ZC3H4: variants seen among roughly 807,000 people sequenced by gnomAD.
ZC3H4 encodes zinc finger CCCH-type containing 4.
A neutral mutation model predicts 108.3 loss-of-function variants in ZC3H4; 13 were observed. The ratio of observed to expected loss-of-function variants is 0.12; its 90% CI spans 0.08 to 0.19. The LOEUF is 0.19. Among genes scored for constraint, ZC3H4 ranks in the 10% least tolerant of loss-of-function variants. The probability of loss-of-function intolerance (pLI) is 1.00; values close to 1 mark genes in which losing one functional copy is unlikely to be tolerated. For synonymous variants in ZC3H4, 917 were observed against 749.6 expected (o/e 1.22, Z -3.65); for missense variants, 1,734 against 1,838.8 (o/e 0.94, Z 1.04).
At chr19:47,078,973 G>A (rs1055632756) in intron 11 of ZC3H4, among the ~76,000 whole-genome samples, 28 of 151,510 alleles carry the variant, frequency 1.8e-4, no homozygotes, top group African/African-American at 6.0e-4. Flanking sequence ...GTTGCGGTGA[G>A]CAGAGATCGC....
At chr19:47,069,429 C>T (rs1390124995) in intron 13 of ZC3H4, 86 bp from the exon 14 acceptor site, 1 of 1,494,154 alleles carries the variant, frequency 6.7e-7, no homozygotes, top group Non-Finnish European at 9.0e-7. Flanking sequence ...TGCAAACCCA[C>T]ACCGATGGCG....
rs200843141 is a variant in ZC3H4 at position 47,066,768 on chromosome 19, G to A, written c.3500C>T (p.Thr1167Met). The A allele has an allele frequency of 4.4e-4, 706 of 1,602,948 alleles. 2 individuals are homozygous for A. Among genetic ancestry groups the A allele is most frequent in the African/African-American group, 4.0e-3 (302 of 75,006 alleles). ...CTCAGCACCCTTGGGCTGGGCACCC[G>A]TGTCAGCAGCCGGCTCTGTGGCTTT... ...GGKATEPAAD[T>M]GAQPKGAEGN... Residue 1167 changes from threonine (T) to methionine (M), a missense_variant, in exon 15 of 15, where the codon ACG (threonine) becomes ATG (methionine). Thr to Met is a moderately conservative substitution (Grantham distance 81). Around this residue, in one of 9 missense-constraint regions of ZC3H4, gnomAD observed 518 missense variants for 499.6 expected, o/e 1.04. Transcript: ENST00000253048.
intron 2 of ZC3H4, among the ~76,000 whole-genome samples, chr19:47,111,167 T>A (rs2123124272): frequency 6.6e-6 from 1 of 152,298 alleles, no homozygotes; most frequent in African/African-American, 2.4e-5. Context: ...TCCTGCCGGC[T>A]GAAACCCACC....
chr19:47,085,906 T>C (rs376109047), intron 6 of ZC3H4, among the ~76,000 whole-genome samples: 72 of 152,232 alleles, frequency 4.7e-4, no homozygotes, highest in Middle Eastern at 3.4e-3. Flanking sequence ...CTCTGTCGCC[T>C]AGGCTGGAGT....
intron 1 of ZC3H4, among the ~76,000 whole-genome samples, chr19:47,112,796 G>A (rs2123135871): frequency 6.6e-6 from 1 of 152,214 alleles, no homozygotes; most frequent in African/African-American, 2.4e-5. Context: ...GCCCACCCTT[G>A]CGGTCACTCG....
intron 11 of ZC3H4, among the ~76,000 whole-genome samples, chr19:47,073,651 T>G (rs1440634395): frequency 6.6e-6 from 1 of 152,180 alleles, no homozygotes; most frequent in African/African-American, 2.4e-5. Flanking sequence ...CACCTCTATA[T>G]AGTTCCAGCA....
At chr19:47,085,256 G>A in intron 7 of ZC3H4, 61 bp from the exon 8 acceptor site, 1 of 1,160,120 alleles carries the variant, frequency 8.6e-7, no homozygotes, top group Non-Finnish European at 1.2e-6. Context: ...CCCAGGACTA[G>A]ATTCCAGCAG....
Position 47,067,145 on chromosome 19 carries a change from G to A in ZC3H4, c.3123C>T (p.Pro1041=), listed in dbSNP as rs572877395. Reference sequence around the variant, plus strand: ...GGATGCGAGACAGAAGTTCAAAGTCGGGGAGGTTGGCGCCCTGTGTGCTGG... The same window carrying A: ...GGATGCGAGACAGAAGTTCAAAGTCAGGGAGGTTGGCGCCCTGTGTGCTGG... ...TDSSTQGANL[P]DFELLSRILK... Residue 1041 remains proline (P), a synonymous_variant, in exon 15 of 15, where the codon CCC becomes CCT. Transcript: ENST00000253048. This position sits in a 1 kb window ranked among gnomAD's most constrained non-coding sequence, Gnocchi z 6.4. 8.4e-5 allele frequency: 135 copies of A among 1,612,030 alleles called. No individual in the cohort carries two copies. The East Asian group carries it at 1.3e-3, about 16-fold the overall frequency.
In ZC3H4 at chr19:47,065,487, G is replaced by A. The variant is rs1483871325; in HGVS notation, c.*869C>T. The A allele has an allele frequency of 6.5e-6, 1 of 152,888 alleles. No homozygotes were observed. The highest frequency in any genetic ancestry group is 2.4e-5 in the African/African-American group (1 of 41,430). The allele number at this position is 152,888 out of a possible 1,614,324, so 9.5% of individuals were successfully genotyped here. A position where few individuals can be genotyped will look rare whatever the true frequency, so the allele number is the denominator to read the frequency against. On this transcript the variant is annotated 3_prime_UTR_variant, in exon 15 of 15. Transcript: ENST00000253048. ...AGCGGGTGCGTGGCTTGAGGACCAG[G>A]ACAGACCCTGGTGTGGGCAAGCAGG...
intron 11 of ZC3H4, among the ~76,000 whole-genome samples, chr19:47,077,239 C>T (rs903736708): frequency 4.0e-5 from 6 of 151,170 alleles, no homozygotes; most frequent in African/African-American, 1.5e-4. Flanking sequence ...GGGAGGCCTG[C>T]GGGTGGATCA....
chr19:47,075,481 G>T (rs558568545), intron 11 of ZC3H4, among the ~76,000 whole-genome samples: 1 of 151,972 alleles, frequency 6.6e-6, no homozygotes, highest in Non-Finnish European at 1.5e-5. Context: ...CCCCACTGCC[G>T]CACATCCTGG....
chr19:47,074,091 A>G (rs2057377035), intron 11 of ZC3H4, among the ~76,000 whole-genome samples: 1 of 152,096 alleles, frequency 6.6e-6, no homozygotes, highest in African/African-American at 2.4e-5. Context: ...TTTCAGTGCA[A>G]TGAGCAGCCA....
intron 3 of ZC3H4, 48 bp downstream of exon 3, chr19:47,094,341 C>T: frequency 6.2e-7 from 1 of 1,603,624 alleles, no homozygotes; most frequent in Non-Finnish European, 8.5e-7. Flanking sequence ...GGGCTCTCAG[C>T]CAGGCCCAAT....
intron 2 of ZC3H4, among the ~76,000 whole-genome samples, chr19:47,108,212 C>T (rs969335897): frequency 2.0e-5 from 3 of 152,080 alleles, no homozygotes; most frequent in Non-Finnish European, 4.4e-5. Context: ...ACTTTGCTTG[C>T]TATTCACTCT....
chr19:47,102,787 A>T (rs1296056973), intron 2 of ZC3H4, among the ~76,000 whole-genome samples: 2 of 150,818 alleles, frequency 1.3e-5, no homozygotes, highest in Non-Finnish European at 3.0e-5. Flanking sequence ...AAAAAAAAAT[A>T]GGACTCATCC....
chr19:47,093,442 G>A (rs936557117), intron 4 of ZC3H4, among the ~76,000 whole-genome samples: 3 of 152,288 alleles, frequency 2.0e-5, no homozygotes, highest in South Asian at 2.1e-4. Context: ...CAGCCGTGAC[G>A]TGGACCAGTC....
At chr19:47,082,095 G>A (rs2122843350) in intron 10 of ZC3H4, 89 bp downstream of exon 10, 4 of 1,113,738 alleles carry the variant, frequency 3.6e-6, no homozygotes, top group Non-Finnish European at 5.5e-6. Context: ...AGAAAGCACA[G>A]AGAAGGAAGA....
Position 47,066,208 on chromosome 19 carries a change from AAAAAT to A in ZC3H4, c.*143_*147del, listed in dbSNP as rs976534204. ...TCTCAAAGAAAGTACTACTTTAAAA[AAAAAT>A]AAAAGAGACGGAAAGCAAAAGAAAA... On this transcript the variant is annotated 3_prime_UTR_variant, in exon 15 of 15. Transcript: ENST00000253048. 10 of 625,800 alleles carry A rather than the reference AAAAAT, an allele frequency of 1.6e-5. No individual in the cohort carries two copies. Among genetic ancestry groups the A allele is most frequent in the African/African-American group, 9.5e-5 (5 of 52,514 alleles). 38.8% of individuals were successfully genotyped at this position (625,800 alleles called of 1,614,324 possible).
chr19:47,079,902 C>T (rs1193929160), intron 11 of ZC3H4, among the ~76,000 whole-genome samples: 2 of 152,006 alleles, frequency 1.3e-5, no homozygotes, highest in Non-Finnish European at 1.5e-5. Context: ...ACAAACAAAA[C>T]AAAAAAACCC....
Sources: allele counts gnomAD v4.1 joint callset (sites outside exome capture counted in the v4.1 genomes callset), GRCh38; gene constraint gnomAD v4.1.1; regional missense constraint gnomAD v4.1.1; non-coding constraint Gnocchi (gnomAD v3.1); transcripts MANE v1.5; gene names NCBI Gene and HGNC (gene_info 2026-07-23, HGNC 2026-07-21).